GNAI1: variants seen among roughly 807,000 people sequenced by gnomAD.
The protein encoded by GNAI1 is guanine nucleotide-binding protein G(i) subunit alpha-1.
In GNAI1, 11 loss-of-function variants were observed where a neutral mutation model predicts 38.9. The observed-to-expected ratio is 0.28, with a 90% CI of 0.18 to 0.47. GNAI1 has a LOEUF of 0.47. GNAI1 is among the 20% of genes least tolerant of loss of function. GNAI1 has a pLI of 0.99. For missense variants in GNAI1, 317 were observed against 436.9 expected, an observed-to-expected ratio of 0.73 and a Z score of 2.45; for synonymous variants, 166 against 145.1, an observed-to-expected ratio of 1.14 and a Z score of -1.04.
At position 80,219,942 on chromosome 7, in the gene GNAI1, C is replaced by T. The variant is rs1360332594; in HGVS notation, c.*2449C>T. Among the ~76,000 whole-genome samples, 2 of 152,060 alleles carry T rather than the reference C, an allele frequency of 1.3e-5. No individual in the cohort carries two copies. The highest frequency in any genetic ancestry group is 1.3e-4 in the Admixed American group (2 of 15,240). On this transcript the variant is annotated 3_prime_UTR_variant, in exon 8 of 8. Transcript: ENST00000649796. ...TTTTTGTTTGTTTTCCTTTCTATTC[C>T]TACTACTACCTATTCAAGTCTTTGC...
chr7:80,169,296 G>A (rs1291677613), intron 1 of GNAI1, among the ~76,000 whole-genome samples: 1 of 152,150 alleles, frequency 6.6e-6, no homozygotes, highest in Non-Finnish European at 1.5e-5. Flanking sequence ...ACGTTTGCAA[G>A]TTGGAGACTT....
At chr7:80,150,185 A>G (rs1479154796) in intron 1 of GNAI1, among the ~76,000 whole-genome samples, 1 of 152,210 alleles carries the variant, frequency 6.6e-6, no homozygotes, top group African/African-American at 2.4e-5. Context: ...TCCTAGGTAT[A>G]GATTCCAGAG....
chr7:80,220,870 C>T lies in GNAI1; in HGVS notation c.*3377C>T, dbSNP rs1286551316. On this transcript the variant is annotated 3_prime_UTR_variant, in exon 8 of 8. Transcript: ENST00000649796. ...AATGTGTAAGTAGTGTTTCGCCTAT[C>T]CCCACTCTGCCCTTGAGTTCCTCTG... Among the ~76,000 whole-genome samples the T allele has an allele frequency of 6.6e-6, 1 of 152,136 alleles. No homozygotes were observed. Among genetic ancestry groups the T allele is most frequent in the Non-Finnish European group, 1.5e-5 (1 of 68,028 alleles).
At chr7:80,168,983 T>TA (rs1243159941) in intron 1 of GNAI1, among the ~76,000 whole-genome samples, 23 of 152,338 alleles carry the variant, frequency 1.5e-4, no homozygotes, top group Middle Eastern at 3.4e-3. Context: ...GCCAGAAACT[T>TA]ACGCTTCATT....
At chr7:80,174,526 TACTC>T (rs1788149894) in intron 1 of GNAI1, among the ~76,000 whole-genome samples, 1 of 151,768 alleles carries the variant, frequency 6.6e-6, no homozygotes, top group African/African-American at 2.4e-5. Context: ...TATAGTTTGA[TACTC>T]ATTAATTATA....
At chr7:80,216,496 A>T (rs1788971383) in intron 7 of GNAI1, among the ~76,000 whole-genome samples, 1 of 152,194 alleles carries the variant, frequency 6.6e-6, no homozygotes, top group African/African-American at 2.4e-5. Flanking sequence ...TTCATTTTTC[A>T]AACATTGTTG....
chr7:80,163,674 TAGTC>T (rs747156598), intron 1 of GNAI1, among the ~76,000 whole-genome samples: 24 of 152,374 alleles, frequency 1.6e-4, no homozygotes, highest in Non-Finnish European at 2.2e-4. Flanking sequence ...GCCTACCTCA[TAGTC>T]AGAGTATGAA....
At chr7:80,138,024 C>T (rs1160100275) in intron 1 of GNAI1, among the ~76,000 whole-genome samples, 1 of 152,164 alleles carries the variant, frequency 6.6e-6, no homozygotes, top group African/African-American at 2.4e-5. Context: ...TAAAACACGG[C>T]AGTAGAATAA....
intron 6 of GNAI1, among the ~76,000 whole-genome samples, chr7:80,211,809 A>C (rs920885787): frequency 2.0e-5 from 3 of 152,206 alleles, no homozygotes; most frequent in African/African-American, 7.2e-5. Flanking sequence ...AAATGTTTTT[A>C]AATAGAAATG....
intron 1 of GNAI1, among the ~76,000 whole-genome samples, chr7:80,172,769 T>C (rs1437038559): frequency 2.0e-5 from 3 of 152,212 alleles, no homozygotes; most frequent in Non-Finnish European, 4.4e-5. Flanking sequence ...TTACTTATTT[T>C]CTTTCCGTGG....
At chr7:80,199,534 G>A (rs1350860733) in intron 4 of GNAI1, 152 bp downstream of exon 4, 9 of 577,526 alleles carry the variant, frequency 1.6e-5, no homozygotes. Context: ...TTTGTCTTAT[G>A]TGTGTTGTGT....
Position 80,144,718 on chromosome 7 carries a change from T to G in GNAI1, c.118+9440T>G, listed in dbSNP as rs1226332859. On this transcript the variant is annotated intron_variant, in intron 1 of 7. Coordinates refer to ENST00000649796, the MANE Select transcript of GNAI1 (RefSeq NM_002069.6). ...TCATGGTATTTAAGAGGGATGGAAC[T>G]TGTAAGTAAACTTACAGTTATAATC... Among the ~76,000 whole-genome samples, 6 of 152,310 alleles carry G rather than the reference T, an allele frequency of 3.9e-5. No homozygotes were observed. In the East Asian group the frequency reaches 9.7e-4, roughly 25 times the overall value.
At position 80,218,009 on chromosome 7, in the gene GNAI1, C is replaced by T. The variant is rs563374272; in HGVS notation, c.*516C>T. The T allele has an allele frequency of 7.9e-5, 12 of 152,540 alleles. 1 individual carries two copies. The East Asian group carries it at 2.1e-3, about 27-fold the overall frequency. The allele number at this position is 152,540 out of a possible 1,614,324, so 9.4% of individuals were successfully genotyped here. On this transcript the variant is annotated 3_prime_UTR_variant, in exon 8 of 8. Coordinates refer to ENST00000649796, the MANE Select transcript of GNAI1 (RefSeq NM_002069.6). ...AGCCCTTATCTAGATTATATGTATA[C>T]TTGTATTAATAAAAATGTTATTTGT...
At chr7:80,163,158 A>G (rs1324663236) in intron 1 of GNAI1, among the ~76,000 whole-genome samples, 1 of 152,104 alleles carries the variant, frequency 6.6e-6, no homozygotes, top group East Asian at 1.9e-4. Flanking sequence ...TCTTTTATAT[A>G]GCATCTGAAG....
At chr7:80,160,404 G>T (rs1787903696) in intron 1 of GNAI1, among the ~76,000 whole-genome samples, 1 of 151,504 alleles carries the variant, frequency 6.6e-6, no homozygotes, top group African/African-American at 2.4e-5. Flanking sequence ...AGAACTGTTA[G>T]GCTCAATTTT....
At chr7:80,161,582 TA>T (rs1403907572) in intron 1 of GNAI1, among the ~76,000 whole-genome samples, 1 of 152,224 alleles carries the variant, frequency 6.6e-6, no homozygotes, top group African/African-American at 2.4e-5. Flanking sequence ...AAATGTCATA[TA>T]TTTTTAGCAG....
rs1789115990 is a variant in GNAI1 at position 80,223,664 on chromosome 7, C to T, written c.*6171C>T. On this transcript the variant is annotated 3_prime_UTR_variant, in exon 8 of 8. Coordinates refer to ENST00000649796, the MANE Select transcript of GNAI1 (RefSeq NM_002069.6). ...TCATTAATATGGTTTGTATAGGACT[C>T]ACTTTGCAGCATTCAATTTTAGTAT... 6.6e-6 allele frequency among the ~76,000 whole-genome samples: 1 copy of T among 152,162 alleles called. No homozygotes were observed. Among genetic ancestry groups the T allele is most frequent in the Non-Finnish European group, 1.5e-5 (1 of 68,020 alleles).
intron 5 of GNAI1, among the ~76,000 whole-genome samples, chr7:80,204,436 C>A (rs1788738799): frequency 6.6e-6 from 1 of 151,978 alleles, no homozygotes; most frequent in South Asian, 2.1e-4. Flanking sequence ...TTTTCCAGTT[C>A]CCTCATTTTA....
At chr7:80,151,263 T>C (rs1020881331) in intron 1 of GNAI1, among the ~76,000 whole-genome samples, 8 of 152,208 alleles carry the variant, frequency 5.3e-5, no homozygotes, top group African/African-American at 1.9e-4. Context: ...TTGAGTAATA[T>C]CTGGATCCCT....
Sources: allele counts gnomAD v4.1 joint callset (sites outside exome capture counted in the v4.1 genomes callset), GRCh38; gene constraint gnomAD v4.1.1; transcripts MANE v1.5; gene names NCBI Gene and HGNC (gene_info 2026-07-23, HGNC 2026-07-21).